TOP2B: variants seen among roughly 807,000 people sequenced by gnomAD.
TOP2B encodes DNA topoisomerase II beta.
TOP2B carries 51 observed loss-of-function variants against 193.5 expected under a neutral mutation model. The ratio of observed to expected loss-of-function variants is 0.26; its 90% CI spans 0.21 to 0.33. TOP2B has a LOEUF of 0.33. Among genes scored for constraint, TOP2B ranks in the 10% least tolerant of loss-of-function variants. The pLI is 1.00. For missense variants in TOP2B, 1,378 were observed against 1,909.3 expected (o/e 0.72, Z 5.19); for synonymous variants, 634 against 635.7 (o/e 1.00, Z 0.04).
intron 3 of TOP2B, 56 bp downstream of exon 3, chr3:25,643,638 A>C (rs1330718835): frequency 7.6e-7 from 1 of 1,312,932 alleles, no homozygotes; most frequent in Non-Finnish European, 1.1e-6. Flanking sequence ...TATATATAAA[A>C]GGACACTATG....
At chr3:25,598,631 C>CAGTT (rs1336154152) in intron 35 of TOP2B, among the ~76,000 whole-genome samples, 154 bp from the exon 36 acceptor site, 1 of 152,078 alleles carries the variant, frequency 6.6e-6, no homozygotes, top group African/African-American at 2.4e-5. Flanking sequence ...AGTGTAAGAC[C>CAGTT]AGTTATCTTA....
intron 4 of TOP2B, 79 bp from the exon 5 acceptor site, chr3:25,638,389 A>T: frequency 7.4e-7 from 1 of 1,360,532 alleles, no homozygotes; most frequent in Non-Finnish European, 9.5e-7. Context: ...AGATAAATTA[A>T]TTCATTAAAA....
chr3:25,618,468 T>C lies in TOP2B; in HGVS notation c.3301A>G (p.Arg1101Gly). 1 of 1,613,210 alleles carries C rather than the reference T, an allele frequency of 6.2e-7. No individual in the cohort carries two copies. Among genetic ancestry groups the C allele is most frequent in the Non-Finnish European group, 8.5e-7 (1 of 1,179,398 alleles). The change falls in exon 25 of 36, where the codon AGA becomes GGA. Residue 1101 changes from arginine to glycine, a missense_variant. Physicochemically the swap from Arg to Gly is moderately radical, Grantham distance 125 (BLOSUM62 -2). Transcript: ENST00000264331. ...KKDLIQMLVQ[R>G]GYESDPVKAW... ...TTCACTGGGTCAGATTCATAACCTC[T>C]CTGGACTAACATTTGAATCAAATCT...
intron 35 of TOP2B, 38 bp from the exon 36 acceptor site, chr3:25,598,515 GAAGT>G: frequency 6.7e-7 from 1 of 1,493,590 alleles, no homozygotes; most frequent in Non-Finnish European, 9.0e-7. Flanking sequence ...GTTATGAAAG[GAAGT>G]AAAGACTAGT....
rs2125336475 is a variant in TOP2B, at chr3:25,598,219, A to G, written c.*88T>C. 2.2e-6 allele frequency: 3 copies of G among 1,374,202 alleles called. No homozygotes were observed. The highest frequency in any genetic ancestry group is 2.3e-5 in the East Asian group (1 of 42,786). 85.1% of individuals were successfully genotyped at this position (1,374,202 alleles called of 1,614,324 possible). A position where few individuals can be genotyped will look rare whatever the true frequency, so the allele number is the denominator to read the frequency against. On this transcript the variant is annotated 3_prime_UTR_variant, in exon 36 of 36. Coordinates refer to ENST00000264331, the MANE Select transcript of TOP2B (RefSeq NM_001330700.2). ...CCGTCAATTACATCATCACATTAAA[A>G]TAAGCCAGATGTACAAAAGTCTGAG...
Position 25,624,699 on chromosome 3 carries a change from C to T in TOP2B, c.2329G>A (p.Ala777Thr). The change falls in exon 19 of 36, where the codon GCT becomes ACT. Residue 777 changes from alanine to threonine, a missense_variant. Physicochemically the swap from Ala to Thr is moderately conservative, Grantham distance 58 (BLOSUM62 0). Transcript: ENST00000264331. Reference protein sequence around the residue: ...QLAGSVAEMSAYHHGEQALMM... With the variant: ...QLAGSVAEMSTYHHGEQALMM... The stretch of plus-strand genomic sequence containing the variant: ...ATGCTTACTTCTCCATGATGATAAG[C>T]CGACATCTCAGCAACAGAGCCAGCC... 1 of 1,613,746 alleles carries T rather than the reference C, an allele frequency of 6.2e-7. No individual in the cohort carries two copies. Among genetic ancestry groups the T allele is most frequent in the Non-Finnish European group, 8.5e-7 (1 of 1,179,768 alleles).
In TOP2B at chr3:25,635,916, CT is replaced by C. The variant is rs747025442; in HGVS notation, c.852+19del. 2 of 1,601,494 alleles carry C rather than the reference CT, an allele frequency of 1.2e-6. No homozygotes were observed. Among genetic ancestry groups the C allele is most frequent in the African/African-American group, 1.3e-5 (1 of 74,532 alleles). ...TCTATAAAATAACATAGTATTAAAACTATTTTACAGGACACTTACAGGCAAT... is the reference window on the plus strand; with the variant it reads ...TCTATAAAATAACATAGTATTAAAACATTTTACAGGACACTTACAGGCAAT... On this transcript the variant is annotated intron_variant, in intron 7 of 35. Coordinates refer to ENST00000264331, the MANE Select transcript of TOP2B (RefSeq NM_001330700.2).
At chr3:25,624,152 T>C (rs1702735956) in intron 20 of TOP2B, 145 bp downstream of exon 20, 1 of 978,692 alleles carries the variant, frequency 1.0e-6, no homozygotes, top group African/African-American at 1.6e-5. Context: ...TCATTCTATT[T>C]GTGGTCAAAT....
chr3:25,629,238 C>T, intron 13 of TOP2B, 93 bp from the exon 14 acceptor site: 1 of 876,122 alleles, frequency 1.1e-6, no homozygotes, highest in South Asian at 2.3e-5. Context: ...TGCAAAAAAC[C>T]AAAATTCTGA....
chr3:25,654,964 CAT>C (rs748746935), intron 1 of TOP2B, among the ~76,000 whole-genome samples: 2 of 152,110 alleles, frequency 1.3e-5, no homozygotes, highest in Admixed American at 6.5e-5. Flanking sequence ...TAGAAGGAAA[CAT>C]AAAGGAAAAC....
At chr3:25,645,193 G>A (rs1441415674) in intron 2 of TOP2B, 107 bp downstream of exon 2, 2 of 1,061,692 alleles carry the variant, frequency 1.9e-6, no homozygotes, top group African/African-American at 3.2e-5. Context: ...TATGACAGAT[G>A]AAATTACAAA....
chr3:25,598,923 A>C (rs112974028), intron 35 of TOP2B, among the ~76,000 whole-genome samples: 6 of 152,336 alleles, frequency 3.9e-5, no homozygotes, highest in African/African-American at 1.4e-4. Context: ...TGAGACATAG[A>C]AGATGACTGA....
intron 18 of TOP2B, 179 bp from the exon 19 acceptor site, chr3:25,624,982 A>G: frequency 1.7e-6 from 1 of 585,846 alleles, no homozygotes; most frequent in Non-Finnish European, 3.0e-6. Context: ...TTTTCCTAGA[A>G]AGCCATCTGC....
At position 25,629,782 on chromosome 3, in the gene TOP2B, T is replaced by G. The variant is rs1016267550; in HGVS notation, c.1689+247A>C. Reference sequence around the variant, plus strand: ...CTTGTTAATTCCATAATTTTGTTCCTACTTGTAGGTAGGCTGCTATAGTAC... The same window carrying G: ...CTTGTTAATTCCATAATTTTGTTCCGACTTGTAGGTAGGCTGCTATAGTAC... On this transcript the variant is annotated intron_variant, in intron 13 of 35. Transcript: ENST00000264331. Among the ~76,000 whole-genome samples, 8 of 152,304 alleles carry G rather than the reference T, an allele frequency of 5.3e-5. No individual in the cohort carries two copies. In the South Asian group the frequency reaches 1.7e-3, roughly 32 times the overall value.
chr3:25,627,762 ACT>A (rs1375420240), intron 15 of TOP2B, among the ~76,000 whole-genome samples: 2 of 152,118 alleles, frequency 1.3e-5, no homozygotes, highest in African/African-American at 4.8e-5. Flanking sequence ...TTGGATCCTG[ACT>A]TTGGAAAAAA....
intron 10 of TOP2B, 69 bp downstream of exon 10, chr3:25,632,377 A>C: frequency 7.5e-7 from 1 of 1,329,862 alleles, no homozygotes; most frequent in Non-Finnish European, 1.0e-6. Flanking sequence ...ATCACAAATA[A>C]AGTAAATCAA....
Position 25,604,782 on chromosome 3 carries a change from A to G in TOP2B, c.4467T>C (p.Ser1489=). Reference sequence around the variant, plus strand: ...TACCCTTTTTAGCAGCTACCGTTTTACTTGGAACTTTATCTGTCTGTTTCA... The same window carrying G: ...TACCCTTTTTAGCAGCTACCGTTTTGCTTGGAACTTTATCTGTCTGTTTCA... The part of the protein sequence containing the change: ...FGLKQTDKVP[S]KTVAAKKGKP... The change falls in exon 33 of 36, where the codon AGT becomes AGC. Residue 1489 remains serine (S), a synonymous_variant. Coordinates refer to ENST00000264331, the MANE Select transcript of TOP2B (RefSeq NM_001330700.2). 3 of 1,612,786 alleles carry G rather than the reference A, an allele frequency of 1.9e-6. 1 individual carries two copies. The highest frequency in any genetic ancestry group is 4.5e-5 in the East Asian group (2 of 44,714).
Position 25,637,435 on chromosome 3 carries a change from T to C in TOP2B, c.542-123A>G, listed in dbSNP as rs2272430. On this transcript the variant is annotated intron_variant, in intron 5 of 35. Coordinates refer to ENST00000264331, the MANE Select transcript of TOP2B (RefSeq NM_001330700.2). ...CACTAACTGCATTACCAATCACCAA[T>C]TGAAGATTCCAGAGTATATTTAGAT... 5.5e-3 allele frequency: 3,450 copies of C among 630,894 alleles called. 145 individuals are homozygous for C. The East Asian group carries it at 0.087, about 16-fold the overall frequency. The allele number at this position is 630,894 out of a possible 1,614,324, so 39.1% of individuals were successfully genotyped here.
At chr3:25,657,327 G>A (rs888853013) in intron 1 of TOP2B, among the ~76,000 whole-genome samples, 1 of 152,102 alleles carries the variant, frequency 6.6e-6, no homozygotes, top group African/African-American at 2.4e-5. Context: ...CCTAGAACAG[G>A]TATGCATATT....
Sources: allele counts gnomAD v4.1 joint callset (sites outside exome capture counted in the v4.1 genomes callset), GRCh38; gene constraint gnomAD v4.1.1; transcripts MANE v1.5; gene names NCBI Gene and HGNC (gene_info 2026-07-23, HGNC 2026-07-21).